The following NSD1 variants were observed in gnomAD, a reference collection of about 807,000 sequenced individuals.
NSD1 encodes nuclear receptor binding SET domain protein 1, also known as histone-lysine N-methyltransferase, H3 lysine-36 specific.
A neutral mutation model predicts 242.7 loss-of-function variants in NSD1; 26 were observed. That is an observed-to-expected ratio of 0.11 (90% CI 0.08 to 0.15). The LOEUF is 0.15. Ranked by LOEUF, NSD1 falls within the 10% of genes least tolerant of loss-of-function variation. The probability of loss-of-function intolerance (pLI) is 1.00; values close to 1 mark genes in which losing one functional copy is unlikely to be tolerated. For missense variants in NSD1, 2,495 were observed against 3,272.8 expected, an observed-to-expected ratio of 0.76 and a Z score of 5.80; for synonymous variants, 1,106 against 1,178.1, an observed-to-expected ratio of 0.94 and a Z score of 1.25.
chr5:177,287,210 A>G (rs1356829458), intron 20 of NSD1, among the ~76,000 whole-genome samples: 4 of 152,246 alleles, frequency 2.6e-5, no homozygotes, highest in Non-Finnish European at 5.9e-5. Context: ...TTACACTTAC[A>G]TAGTATATGT....
chr5:177,208,166 A>G (rs1447790726), intron 4 of NSD1, among the ~76,000 whole-genome samples: 1 of 152,202 alleles, frequency 6.6e-6, no homozygotes, highest in Non-Finnish European at 1.5e-5. Context: ...TACCTATTGT[A>G]TGGAGGTAAG....
At position 177,159,030 on chromosome 5, in the gene NSD1, GATAT is replaced by G. The variant is rs35942745; in HGVS notation, c.927+23015_927+23018del. ...TATATATATATATATATATATGAAT[GATAT>G]ATATATATATATATGAATGAATGAA... On this transcript the variant is annotated intron_variant, in intron 2 of 22. Coordinates refer to ENST00000439151, the MANE Select transcript of NSD1 (RefSeq NM_022455.5). Among the ~76,000 whole-genome samples, 275 of 113,866 alleles carry G rather than the reference GATAT, an allele frequency of 2.4e-3. 4 individuals carry two copies. Among genetic ancestry groups the G allele is most frequent in the African/African-American group, 0.011 (249 of 23,534 alleles). The allele number at this position is 113,866 out of a possible 152,430, so 74.7% of individuals were successfully genotyped here.
chr5:177,224,722 C>T (rs765483168), intron 5 of NSD1, among the ~76,000 whole-genome samples: 2 of 150,230 alleles, frequency 1.3e-5, no homozygotes, highest in Admixed American at 6.7e-5. Flanking sequence ...CAGTGTGATG[C>T]GGAATACTAG....
Position 177,298,419 on chromosome 5 carries a change from A to C in NSD1, c.*2960A>C, listed in dbSNP as rs1760384440. The C allele has an allele frequency of 4.3e-6, 1 of 233,154 alleles. No homozygotes were observed. The highest frequency in any genetic ancestry group is 1.8e-4 in the South Asian group (1 of 5,530). 14.4% of individuals were successfully genotyped at this position (233,154 alleles called of 1,614,324 possible). On this transcript the variant is annotated 3_prime_UTR_variant, in exon 23 of 23. Coordinates refer to ENST00000439151, the MANE Select transcript of NSD1 (RefSeq NM_022455.5). ...ATACATCTAGCCCTGCTAAGTCAGA[A>C]AAAGATTATGAAAAATGTTGAAATT...
At position 177,200,018 on chromosome 5, in the gene NSD1, A is replaced by G. The variant is rs1762395726; in HGVS notation, c.1064-4102A>G. ...GGGGATACGTTTCCACTAGGAATGC[A>G]TTGGTTCTGATTTTTCCCATATCCC... On this transcript the variant is annotated intron_variant, in intron 3 of 22. Transcript: ENST00000439151. 3.3e-5 allele frequency among the ~76,000 whole-genome samples: 5 copies of G among 152,268 alleles called. No homozygotes were observed. In the South Asian group the frequency reaches 1.0e-3, roughly 32 times the overall value.
chr5:177,227,965 AATTTTTTTTTGTAATTT>A (rs1261012685), intron 5 of NSD1, among the ~76,000 whole-genome samples: 1 of 151,206 alleles, frequency 6.6e-6, no homozygotes, highest in Non-Finnish European at 1.5e-5. Context: ...AAAAAAGCAG[AATTTTTTTTTGTAATTT>A]ATTTTTTTTT....
chr5:177,239,686 T>C (rs1195802361), intron 7 of NSD1, 70 bp from the exon 8 acceptor site: 7 of 883,974 alleles, frequency 7.9e-6, no homozygotes, highest in Non-Finnish European at 1.3e-5. Flanking sequence ...TTGTGTGGTA[T>C]ACAGATTTTT....
chr5:177,225,343 A>G (rs904360668), intron 5 of NSD1, among the ~76,000 whole-genome samples: 1 of 152,118 alleles, frequency 6.6e-6, no homozygotes, highest in South Asian at 2.1e-4. Flanking sequence ...GGGTTTCACC[A>G]TATTGGCCAG....
chr5:177,265,312 T>C (rs1053536288), intron 14 of NSD1: 41 of 640,828 alleles, frequency 6.4e-5, no homozygotes, highest in Non-Finnish European at 1.1e-4. Flanking sequence ...TGGGAATAAA[T>C]TATATATAAA....
chr5:177,156,659 A>G (rs1448352587), intron 2 of NSD1, among the ~76,000 whole-genome samples: 2 of 152,144 alleles, frequency 1.3e-5, no homozygotes, highest in Non-Finnish European at 2.9e-5. Flanking sequence ...TTCATGAAAA[A>G]CAATCAAGCT....
chr5:177,272,497 T>G (rs1207669252), intron 16 of NSD1, among the ~76,000 whole-genome samples: 2 of 152,014 alleles, frequency 1.3e-5, no homozygotes, highest in East Asian at 3.9e-4. Flanking sequence ...TCTCAGAGTT[T>G]TTAATGTGGG....
At chr5:177,225,914 A>G (rs1254229086) in intron 5 of NSD1, among the ~76,000 whole-genome samples, 1 of 152,222 alleles carries the variant, frequency 6.6e-6, no homozygotes, top group Non-Finnish European at 1.5e-5. Context: ...AATTACCAAG[A>G]AAAAGGTAGA....
At chr5:177,199,870 C>G (rs372274652) in intron 3 of NSD1, among the ~76,000 whole-genome samples, 1 of 152,048 alleles carries the variant, frequency 6.6e-6, no homozygotes, top group Non-Finnish European at 1.5e-5. Flanking sequence ...GCTGGGATTA[C>G]AGGAGCGAGC....
At chr5:177,244,452 C>T (rs1197060901) in intron 9 of NSD1, among the ~76,000 whole-genome samples, 182 bp downstream of exon 9, 1 of 152,202 alleles carries the variant, frequency 6.6e-6, no homozygotes, top group South Asian at 2.1e-4. Context: ...ATCTACTCTA[C>T]CAGGACTTTT....
At chr5:177,176,172 G>A (rs775052219) in intron 2 of NSD1, among the ~76,000 whole-genome samples, 1 of 152,102 alleles carries the variant, frequency 6.6e-6, no homozygotes, top group African/African-American at 2.4e-5. Context: ...CACTGCGCCC[G>A]GCCCGATTGC....
At chr5:177,180,088 A>T in intron 2 of NSD1, among the ~76,000 whole-genome samples, 1 of 147,524 alleles carries the variant, frequency 6.8e-6, no homozygotes. Context: ...TTTATTTTTT[A>T]TTTTATTTAT....
intron 17 of NSD1, among the ~76,000 whole-genome samples, chr5:177,274,895 G>A (rs908436072): frequency 1.8e-4 from 28 of 151,790 alleles, no homozygotes; most frequent in African/African-American, 6.3e-4. Flanking sequence ...CACTATATGC[G>A]GCTAATTTTT....
chr5:177,264,028 A>ATTTTTTTTTTTTTTTT lies in NSD1; in HGVS notation c.5147-3523_5147-3508dup, dbSNP rs61538775. On this transcript the variant is annotated intron_variant, in intron 14 of 22. Coordinates refer to ENST00000439151, the MANE Select transcript of NSD1 (RefSeq NM_022455.5). ...AAGATGCATATGACTCAATGAACCAATTTTTTTTTTTTTTTTTTTTTTTTT... is the reference window on the plus strand; with the variant it reads ...AAGATGCATATGACTCAATGAACCAATTTTTTTTTTTTTTTTTTTTTTTTTTTTTTTTTTTTTTTTT... Among the ~76,000 whole-genome samples the ATTTTTTTTTTTTTTTT allele has an allele frequency of 4.5e-3, 343 of 76,382 alleles. 68 individuals are homozygous for ATTTTTTTTTTTTTTTT. The highest frequency in any genetic ancestry group is 6.6e-3 in the Non-Finnish European group (270 of 40,756). The allele number at this position is 76,382 out of a possible 152,430, so 50.1% of individuals were successfully genotyped here.
At chr5:177,276,131 T>C (rs531979296) in intron 17 of NSD1, among the ~76,000 whole-genome samples, 2 of 152,200 alleles carry the variant, frequency 1.3e-5, no homozygotes, top group East Asian at 1.9e-4. Flanking sequence ...GGTTTCACCA[T>C]GTTGCCCAGG....
Sources: allele counts gnomAD v4.1 joint callset (sites outside exome capture counted in the v4.1 genomes callset), GRCh38; gene constraint gnomAD v4.1.1; transcripts MANE v1.5; gene names NCBI Gene and HGNC (gene_info 2026-07-23, HGNC 2026-07-21).